RPAP3: variants seen among roughly 807,000 people sequenced by gnomAD.
RPAP3 encodes RNA polymerase II associated protein 3, also known as RNA polymerase II-associated protein 3.
A neutral mutation model predicts 88.8 loss-of-function variants in RPAP3; 58 were observed. That is an observed-to-expected ratio of 0.65 (90% CI 0.53 to 0.81). The LOEUF is 0.81. Ranked by LOEUF, RPAP3 falls within the 40% of genes least tolerant of loss-of-function variation. The pLI is 0.00. For synonymous variants in RPAP3, 255 were observed against 259.9 expected (o/e 0.98, Z 0.18); for missense variants, 751 against 764.3 (o/e 0.98, Z 0.20).
chr12:47,670,113 G>C lies in RPAP3; in HGVS notation c.1520C>G (p.Ser507Cys). 1.3e-6 allele frequency: 2 copies of C among 1,574,750 alleles called. No individual in the cohort carries two copies. The highest frequency in any genetic ancestry group is 1.7e-6 in the Non-Finnish European group (2 of 1,144,396). ...LKIEEVSDTS[S>C]LQPQASLKQD... ...TAACAGTATTTCTACTCACTGCAGG[G>C]ATGAAGTATCACTGACTTCTTCTAT... is the stretch of plus-strand genomic sequence containing the variant. Residue 507 changes from serine to cysteine, a missense_variant, in exon 13 of 17, where the codon TCC becomes TGC. By Grantham distance (112) the Ser-to-Cys change is moderately radical. Coordinates refer to ENST00000005386, the MANE Select transcript of RPAP3 (RefSeq NM_024604.3).
rs59485150 is a variant in RPAP3 at position 47,686,545 on chromosome 12, TACACACAC to T, written c.992+227_992+234del. Among the ~76,000 whole-genome samples the T allele has an allele frequency of 5.0e-4, 73 of 145,456 alleles. 1 individual carries two copies. The highest frequency in any genetic ancestry group is 1.3e-3 in the African/African-American group (53 of 39,926). On this transcript the variant is annotated intron_variant, in intron 9 of 16. Transcript: ENST00000005386. ...AGGTACATAAACACACACATACACA[TACACACAC>T]ACACACACACACACACACACACACT...
intron 12 of RPAP3, among the ~76,000 whole-genome samples, chr12:47,676,519 AAG>A (rs1753083222): frequency 1.3e-5 from 2 of 152,324 alleles, no homozygotes; most frequent in African/African-American, 4.8e-5. Context: ...TAAAGAAGAA[AAG>A]AGAGAAGAAT....
intron 12 of RPAP3, among the ~76,000 whole-genome samples, chr12:47,675,688 G>A (rs1032127658): frequency 3.3e-5 from 5 of 152,150 alleles, no homozygotes; most frequent in Admixed American, 6.5e-5. Flanking sequence ...TCAACAAGAA[G>A]ATCTAACTAT....
intron 5 of RPAP3, among the ~76,000 whole-genome samples, chr12:47,693,336 C>G (rs925581801): frequency 1.3e-5 from 2 of 152,074 alleles, no homozygotes; most frequent in African/African-American, 4.8e-5. Context: ...GATGGCTCCC[C>G]AAAACAATTA....
chr12:47,697,372 A>C (rs1939553513), intron 4 of RPAP3, among the ~76,000 whole-genome samples: 1 of 152,230 alleles, frequency 6.6e-6, no homozygotes, highest in African/African-American at 2.4e-5. Flanking sequence ...AGAAAACTGA[A>C]GTTCAGAAGT....
In RPAP3 at chr12:47,690,525, G is replaced by C. The variant is rs1222666702; in HGVS notation, c.660C>G (p.Ala220=). 6.3e-7 allele frequency: 1 copy of C among 1,593,096 alleles called. No individual in the cohort carries two copies. The highest frequency in any genetic ancestry group is 1.4e-5 in the African/African-American group (1 of 73,874). Reference sequence around the variant, plus strand: ...AGAGTGACTAGAAAATACCTTTTTTGGCCTCTTCTAATTTTTGCAAAGCAA... The same window carrying C: ...AGAGTGACTAGAAAATACCTTTTTTCGCCTCTTCTAATTTTTGCAAAGCAA... ...ARFALQKLEE[A]KKDYERVLEL... Residue 220 remains alanine, a synonymous_variant, in exon 6 of 17, where the codon GCC becomes GCG. Coordinates refer to ENST00000005386, the MANE Select transcript of RPAP3 (RefSeq NM_024604.3).
At chr12:47,683,693 T>C (rs1939271928) in intron 9 of RPAP3, among the ~76,000 whole-genome samples, 1 of 152,190 alleles carries the variant, frequency 6.6e-6, no homozygotes, top group Non-Finnish European at 1.5e-5. Context: ...AAACATCTTT[T>C]AGGTGGTTGG....
chr12:47,700,837 T>C (rs575641218), intron 3 of RPAP3, among the ~76,000 whole-genome samples: 1 of 152,336 alleles, frequency 6.6e-6, no homozygotes, highest in South Asian at 2.1e-4. Context: ...ACAAAGGCAT[T>C]CTCTTTTAGC....
intron 3 of RPAP3, among the ~76,000 whole-genome samples, chr12:47,701,013 A>G (rs747275208): frequency 5.3e-5 from 8 of 152,142 alleles, no homozygotes; most frequent in Non-Finnish European, 1.0e-4. Context: ...GTGGTGCCAT[A>G]TATCTGTATC....
At chr12:47,665,627 A>G (rs1938857511) in intron 16 of RPAP3, among the ~76,000 whole-genome samples, 2 of 148,836 alleles carry the variant, frequency 1.3e-5, no homozygotes, top group African/African-American at 2.4e-5. Flanking sequence ...ATTTTAATAT[A>G]TATTTTTTTA....
rs1368234551 is a variant in RPAP3 at position 47,690,489 on chromosome 12, G to T, written c.667+29C>A. On this transcript the variant is annotated intron_variant, in intron 6 of 16. Coordinates refer to ENST00000005386, the MANE Select transcript of RPAP3 (RefSeq NM_024604.3). Reference sequence around the variant, plus strand: ...GCATCTGTGAGATAACACTGTTAAAGAATTCTTTAGAGAGTGACTAGAAAA... The same window carrying T: ...GCATCTGTGAGATAACACTGTTAAATAATTCTTTAGAGAGTGACTAGAAAA... 1.9e-6 allele frequency: 3 copies of T among 1,565,816 alleles called. No homozygotes were observed. The African/African-American group carries it at 4.1e-5, about 21-fold the overall frequency.
chr12:47,667,350 G>A (rs1018756796), intron 15 of RPAP3, among the ~76,000 whole-genome samples: 12 of 152,142 alleles, frequency 7.9e-5, no homozygotes, highest in African/African-American at 2.9e-4. Flanking sequence ...AAAAATTAGA[G>A]TCCTTTTTCC....
At chr12:47,681,877 T>C in intron 9 of RPAP3, 60 bp from the exon 10 acceptor site, 2 of 1,462,292 alleles carry the variant, frequency 1.4e-6, no homozygotes, top group Middle Eastern at 2.0e-4. Context: ...AAATGTCATA[T>C]AAACTAAGTT....
intron 12 of RPAP3, among the ~76,000 whole-genome samples, chr12:47,675,662 T>C (rs536149745): frequency 1.3e-5 from 2 of 152,248 alleles, no homozygotes; most frequent in East Asian, 1.9e-4. Context: ...CACTACCTAA[T>C]GGTAAAGGGA....
rs1214755655 is a variant in RPAP3, at chr12:47,670,355, T to G, written c.1288-10A>C. 7 of 1,438,696 alleles carry G rather than the reference T, an allele frequency of 4.9e-6. No individual in the cohort carries two copies. The highest frequency in any genetic ancestry group is 6.8e-6 in the Non-Finnish European group (7 of 1,034,184). 89.1% of individuals were successfully genotyped at this position (1,438,696 alleles called of 1,614,324 possible). Reference sequence around the variant, plus strand: ...CCTTCTTGAGTGGTTTCTAAAACAATTAAAATCAATTCCTTAAATCAAAAT... The same window carrying G: ...CCTTCTTGAGTGGTTTCTAAAACAAGTAAAATCAATTCCTTAAATCAAAAT... On this transcript the variant is annotated splice_polypyrimidine_tract_variant and intron_variant, in intron 12 of 16. Coordinates refer to ENST00000005386, the MANE Select transcript of RPAP3 (RefSeq NM_024604.3).
chr12:47,693,172 T>C (rs1470091393), intron 5 of RPAP3, among the ~76,000 whole-genome samples: 3 of 152,140 alleles, frequency 2.0e-5, no homozygotes, highest in Non-Finnish European at 2.9e-5. Flanking sequence ...TGAGCCACCA[T>C]GCCTGGCCTC....
chr12:47,680,978 A>C (rs535332854), intron 10 of RPAP3, among the ~76,000 whole-genome samples: 16 of 152,002 alleles, frequency 1.1e-4, no homozygotes, highest in Non-Finnish European at 1.9e-4. Flanking sequence ...CGAAACAAAA[A>C]AAAAAAAACA....
In RPAP3 at chr12:47,686,840, G is replaced by T. The variant is rs756126888; in HGVS notation, c.932C>A (p.Ala311Glu). Reference sequence around the variant, plus strand: ...TGGAAGAAGGGCATTAGCACCATCTGCTGCTATCCCTCGAGTATAGCATTC... The same window carrying T: ...TGGAAGAAGGGCATTAGCACCATCTTCTGCTATCCCTCGAGTATAGCATTC... Reference protein sequence around the residue: ...AIECYTRGIAADGANALLPAN... With the variant: ...AIECYTRGIAEDGANALLPAN... Residue 311 changes from alanine (A) to glutamate (E), a missense_variant, in exon 9 of 17, where the codon GCA (alanine) becomes GAA (glutamate). Ala to Glu is a moderately radical substitution (Grantham distance 107, BLOSUM62 -1). Transcript: ENST00000005386. 2.5e-6 allele frequency: 4 copies of T among 1,604,620 alleles called. No individual in the cohort carries two copies. The Admixed American group carries it at 6.8e-5, about 27-fold the overall frequency.
intron 10 of RPAP3, among the ~76,000 whole-genome samples, chr12:47,680,223 T>G (rs1235151): frequency 0.13 from 20,185 of 152,166 alleles, 1,692 homozygotes; most frequent in East Asian, 0.38. Context: ...ACTGCATGAT[T>G]CCACTTACAT....
Sources: allele counts gnomAD v4.1 joint callset (sites outside exome capture counted in the v4.1 genomes callset), GRCh38; gene constraint gnomAD v4.1.1; transcripts MANE v1.5; gene names NCBI Gene and HGNC (gene_info 2026-07-23, HGNC 2026-07-21).